The following RPH3A variants were observed in gnomAD, a reference collection of about 807,000 sequenced individuals.
The protein encoded by RPH3A is rabphilin-3A.
A neutral mutation model predicts 102.2 loss-of-function variants in RPH3A; 48 were observed. The observed-to-expected ratio is 0.47, with a 90% CI of 0.37 to 0.60. RPH3A has a LOEUF of 0.60. RPH3A is among the 20% of genes least tolerant of loss of function. RPH3A has a pLI of 0.00. For synonymous variants in RPH3A, 310 were observed against 324.3 expected, an observed-to-expected ratio of 0.96 and a Z score of 0.47; for missense variants, 781 against 910.1, an observed-to-expected ratio of 0.86 and a Z score of 1.83.
chr12:112,757,144 G>T (rs1242342396), intron 1 of RPH3A, among the ~76,000 whole-genome samples: 1 of 152,128 alleles, frequency 6.6e-6, no homozygotes, highest in Non-Finnish European at 1.5e-5. Context: ...GAAATAAAAT[G>T]AATTTAAATA....
chr12:112,732,641 G>A lies in RPH3A; in HGVS notation c.-139-59502G>A, dbSNP rs7310049. ...AGGTAGTGGGAAACATTGAGCTGCA[G>A]TGAGGGTCCAGTCATTGCTTCAGCT... is the stretch of plus-strand genomic sequence containing the variant. On this transcript the variant is annotated intron_variant, in intron 1 of 21. Coordinates refer to the RPH3A transcript ENST00000543106. Among the ~76,000 whole-genome samples the A allele has an allele frequency of 7.0e-3, 1,062 of 152,338 alleles. 16 individuals carry two copies. Among genetic ancestry groups the A allele is most frequent in the African/African-American group, 0.025 (1,021 of 41,570 alleles).
intron 1 of RPH3A, among the ~76,000 whole-genome samples, chr12:112,709,752 A>G (rs956048082): frequency 3.9e-5 from 6 of 152,102 alleles, no homozygotes; most frequent in African/African-American, 1.4e-4. Flanking sequence ...TCCAACCAAG[A>G]AACCAGGGTA....
At position 112,678,282 on chromosome 12, in the gene RPH3A, A is replaced by AG. The variant is rs1491346216; in HGVS notation, c.-140+102963_-140+102964insG. On this transcript the variant is annotated intron_variant, in intron 1 of 21. Transcript: ENST00000543106. ...GAAAGAAAGAAAGAAAGAAAGAAAG[A>AG]AAGAAAGAAAGAAAGAAAGAAAGAG... 4.0e-4 allele frequency among the ~76,000 whole-genome samples: 33 copies of AG among 82,180 alleles called. 2 individuals carry two copies. The highest frequency in any genetic ancestry group is 2.2e-3 in the African/African-American group (27 of 12,372). The allele number at this position is 82,180 out of a possible 152,430, so 53.9% of individuals were successfully genotyped here.
intron 1 of RPH3A, among the ~76,000 whole-genome samples, chr12:112,675,431 C>T (rs1344946511): frequency 3.3e-5 from 5 of 152,176 alleles, no homozygotes; most frequent in Non-Finnish European, 7.3e-5. Flanking sequence ...AGCAACGGTG[C>T]TCTATTTGGC....
intron 14 of RPH3A, among the ~76,000 whole-genome samples, chr12:112,880,809 T>A (rs973399618): frequency 6.6e-6 from 1 of 152,256 alleles, no homozygotes; most frequent in African/African-American, 2.4e-5. Context: ...TATTATGTAC[T>A]GTATTCTTAC....
chr12:112,879,655 A>C (rs950358925), intron 14 of RPH3A, among the ~76,000 whole-genome samples: 1 of 152,212 alleles, frequency 6.6e-6, no homozygotes, highest in Non-Finnish European at 1.5e-5. Context: ...ATGGGCTTCC[A>C]AGGGGGCGGG....
chr12:112,880,486 A>G (rs2042890147), intron 14 of RPH3A, among the ~76,000 whole-genome samples: 1 of 152,190 alleles, frequency 6.6e-6, no homozygotes, highest in Non-Finnish European at 1.5e-5. Flanking sequence ...TTAAAGTCTG[A>G]GCTCACACAG....
At chr12:112,662,491 A>C (rs969835049) in intron 1 of RPH3A, among the ~76,000 whole-genome samples, 1 of 152,234 alleles carries the variant, frequency 6.6e-6, no homozygotes, top group Non-Finnish European at 1.5e-5. Flanking sequence ...AATGAGAAGC[A>C]GTGCTGGCTT....
intron 1 of RPH3A, among the ~76,000 whole-genome samples, chr12:112,693,010 C>T (rs748454268): frequency 2.0e-5 from 3 of 152,132 alleles, no homozygotes; most frequent in South Asian, 2.1e-4. Context: ...TGACAAGACC[C>T]GGGAAGGACT....
intron 1 of RPH3A, among the ~76,000 whole-genome samples, chr12:112,646,879 TG>T (rs1671437597): frequency 6.6e-6 from 1 of 152,168 alleles, no homozygotes; most frequent in Admixed American, 6.5e-5. Context: ...TGATGACCGA[TG>T]TGGAGATGAC....
intron 1 of RPH3A, among the ~76,000 whole-genome samples, chr12:112,656,589 G>C (rs1485596235): frequency 6.6e-6 from 1 of 151,966 alleles, no homozygotes; most frequent in African/African-American, 2.4e-5. Flanking sequence ...CCCCCTTTTG[G>C]AGTCCCCAGT....
intron 2 of RPH3A, among the ~76,000 whole-genome samples, chr12:112,824,771 G>A (rs568154808): frequency 1.3e-5 from 2 of 152,292 alleles, no homozygotes; most frequent in Non-Finnish European, 2.9e-5. Flanking sequence ...TGGTCAGCCA[G>A]GGAGTTTAGA....
At chr12:112,667,553 A>G (rs1216394393) in intron 1 of RPH3A, among the ~76,000 whole-genome samples, 1 of 152,042 alleles carries the variant, frequency 6.6e-6, no homozygotes. Flanking sequence ...CAAGTTATAT[A>G]TAAAGGGACT....
chr12:112,751,718 C>G (rs769985122), intron 1 of RPH3A, among the ~76,000 whole-genome samples: 5 of 152,028 alleles, frequency 3.3e-5, no homozygotes, highest in Non-Finnish European at 7.4e-5. Flanking sequence ...GGAGTTTGAA[C>G]CAGCCTAGGC....
chr12:112,836,450 T>A, intron 3 of RPH3A, 41 bp from the exon 4 acceptor site: 1 of 1,257,116 alleles, frequency 8.0e-7, no homozygotes, highest in Non-Finnish European at 1.1e-6. Context: ...TACCTAACTT[T>A]ATTCATTTTT....
chr12:112,844,188 T>C (rs931117532), intron 4 of RPH3A, among the ~76,000 whole-genome samples: 1 of 152,136 alleles, frequency 6.6e-6, no homozygotes, highest in Non-Finnish European at 1.5e-5. Flanking sequence ...GCTTCTAGCC[T>C]ACAGAATACA....
intron 4 of RPH3A, among the ~76,000 whole-genome samples, chr12:112,841,620 T>G (rs777311559): frequency 3.3e-5 from 5 of 152,144 alleles, no homozygotes; most frequent in Admixed American, 6.5e-5. Context: ...TCCAGAGAGA[T>G]AGAATACTTT....
chr12:112,684,574 A>G (rs1045165222), intron 1 of RPH3A, among the ~76,000 whole-genome samples: 14 of 152,126 alleles, frequency 9.2e-5, no homozygotes, highest in Admixed American at 5.2e-4. Flanking sequence ...GGCCGAGAAT[A>G]TCTATTTTTA....
At position 112,834,470 on chromosome 12, in the gene RPH3A, G is replaced by A. The variant is rs79143405; in HGVS notation, c.72-2021G>A. Among the ~76,000 whole-genome samples, 434 of 152,334 alleles carry A rather than the reference G, an allele frequency of 2.8e-3. 2 individuals are homozygous for A. Among genetic ancestry groups the A allele is most frequent in the Middle Eastern group, 0.01 (3 of 294 alleles). On this transcript the variant is annotated intron_variant, in intron 3 of 21. Coordinates refer to ENST00000389385, the MANE Select transcript of RPH3A (RefSeq NM_001143854.2). ...TTTGGGGTAATTACCTAAGAGTGGA[G>A]TGTTTCAGTCACATGGTGGATGCCG...
Sources: gnomAD v4.1 joint callset for allele counts (sites outside exome capture counted in the v4.1 genomes callset) on GRCh38, gnomAD v4.1.1 for gene constraint, MANE v1.5 for transcripts, NCBI Gene and HGNC (gene_info 2026-07-23, HGNC 2026-07-21) for gene names.